Variants in SNRPA observed in about 807,000 individuals in gnomAD.
SNRPA encodes small nuclear ribonucleoprotein polypeptide A.
In SNRPA, 10 loss-of-function variants were observed where a neutral mutation model predicts 24.5. The observed-to-expected ratio is 0.41, with a 90% CI of 0.25 to 0.69. SNRPA has a LOEUF of 0.69. Among genes scored for constraint, SNRPA ranks in the 30% least tolerant of loss-of-function variants. The probability of loss-of-function intolerance (pLI) is 0.33; values close to 1 mark genes in which losing one functional copy is unlikely to be tolerated. For missense variants in SNRPA, 283 were observed against 394.7 expected (o/e 0.72, Z 2.40); for synonymous variants, 165 against 148.4 (o/e 1.11, Z -0.81).
chr19:40,761,626 C>T (rs1002404623), intron 3 of SNRPA, among the ~76,000 whole-genome samples: 3 of 151,562 alleles, frequency 2.0e-5, no homozygotes, highest in Admixed American at 6.6e-5. Context: ...GCCACCACAC[C>T]CAGCTAATTT....
Position 40,759,892 on chromosome 19 carries a change from G to A in SNRPA, c.426+282G>A, listed in dbSNP as rs184478607. 9.9e-5 allele frequency among the ~76,000 whole-genome samples: 15 copies of A among 152,194 alleles called. No individual in the cohort carries two copies. In the East Asian group the frequency reaches 2.7e-3, roughly 27 times the overall value. Reference sequence around the variant, plus strand: ...CTCTCTCCGTGGCCTTGATTTTGTCGCCTGTGTCTTGTAACTCATTGTGCA... The same window carrying A: ...CTCTCTCCGTGGCCTTGATTTTGTCACCTGTGTCTTGTAACTCATTGTGCA... On this transcript the variant is annotated intron_variant, in intron 3 of 5. Coordinates refer to ENST00000243563, the MANE Select transcript of SNRPA (RefSeq NM_004596.5).
At chr19:40,757,079 C>A in intron 1 of SNRPA, 2 of 473,796 alleles carry the variant, frequency 4.2e-6, no homozygotes, top group African/African-American at 4.0e-5. Context: ...GTGCCGGATG[C>A]TGTCCTGAGC....
chr19:40,751,385 A>AAG lies in SNRPA; in HGVS notation c.-24_-23insAG. ...CTAAAGTCACGTTTTTCCTCCTTTA[A>AAG]GACTTACCTCAACACTTCACTCCAT... On this transcript the variant is annotated 5_prime_UTR_variant, in exon 1 of 6. Coordinates refer to ENST00000243563, the MANE Select transcript of SNRPA (RefSeq NM_004596.5). 1 of 1,590,900 alleles carries AAG rather than the reference A, an allele frequency of 6.3e-7. No homozygotes were observed. The highest frequency in any genetic ancestry group is 8.6e-7 in the Non-Finnish European group (1 of 1,158,902).
intron 3 of SNRPA, among the ~76,000 whole-genome samples, chr19:40,761,890 G>T (rs2082934592): frequency 6.6e-6 from 1 of 152,138 alleles, no homozygotes; most frequent in Non-Finnish European, 1.5e-5. Flanking sequence ...CAAAAGAAAA[G>T]ATGGATGAAC....
chr19:40,763,309 C>A lies in SNRPA; in HGVS notation c.600+235C>A, dbSNP rs551849655. On this transcript the variant is annotated intron_variant, in intron 4 of 5. Transcript: ENST00000243563. ...AGTGGTGCCAGCACCTAGATTGATTCCATGAGCTATTGAGCGCCTCCTTAC... is the reference window on the plus strand; with the variant it reads ...AGTGGTGCCAGCACCTAGATTGATTACATGAGCTATTGAGCGCCTCCTTAC... The A allele has an allele frequency of 5.1e-6, 3 of 593,988 alleles. No individual in the cohort carries two copies. In the South Asian group the frequency reaches 6.2e-5, roughly 12 times the overall value. The allele number at this position is 593,988 out of a possible 1,614,324, so 36.8% of individuals were successfully genotyped here.
Position 40,764,998 on chromosome 19 carries a change from TC to T in SNRPA, c.690-9del, listed in dbSNP as rs570256656. Reference sequence around the variant, plus strand: ...ATGCTGAGTCCCTGAGGTCTGTCGTTCTCTTTCAGGTTCCCTGGCTTCAAGG... The same window carrying T: ...ATGCTGAGTCCCTGAGGTCTGTCGTTTCTTTCAGGTTCCCTGGCTTCAAGG... On this transcript the variant is annotated splice_polypyrimidine_tract_variant and intron_variant, in intron 5 of 5. Transcript: ENST00000243563. 95 of 1,551,230 alleles carry T rather than the reference TC, an allele frequency of 6.1e-5. No homozygotes were observed. In the African/African-American group the frequency reaches 1.2e-3, roughly 20 times the overall value.
chr19:40,757,990 A>G (rs2082915604), intron 2 of SNRPA, among the ~76,000 whole-genome samples: 1 of 151,646 alleles, frequency 6.6e-6, no homozygotes, highest in Non-Finnish European at 1.5e-5. Context: ...ATTTTGAGAC[A>G]GAATCTTCCT....
chr19:40,764,761 G>A lies in SNRPA; in HGVS notation c.690-247G>A, dbSNP rs138843403. Among the ~76,000 whole-genome samples, 686 of 152,320 alleles carry A rather than the reference G, an allele frequency of 4.5e-3. 2 individuals carry two copies. Among genetic ancestry groups the A allele is most frequent in the African/African-American group, 0.014 (602 of 41,576 alleles). On this transcript the variant is annotated intron_variant, in intron 5 of 5. Coordinates refer to ENST00000243563, the MANE Select transcript of SNRPA (RefSeq NM_004596.5). ...TTTAGGAAGGGCCCAGGAGACTGCG[G>A]TGTACTGTTTCTTGATTTAGGTTGC...
chr19:40,753,384 G>GTTTTTTTTTTTTTTTT lies in SNRPA; in HGVS notation c.73+1918_73+1933dup, dbSNP rs746525368. ...AATCAGGAGTGTAAATTTTGCATAT[G>GTTTTTTTTTTTTTTTT]TTTTTTTTTTTTTTTTTTTTTTTTT... On this transcript the variant is annotated intron_variant, in intron 1 of 5. Coordinates refer to ENST00000243563, the MANE Select transcript of SNRPA (RefSeq NM_004596.5). 3.6e-4 allele frequency among the ~76,000 whole-genome samples: 14 copies of GTTTTTTTTTTTTTTTT among 38,382 alleles called. 2 individuals carry two copies. Among genetic ancestry groups the GTTTTTTTTTTTTTTTT allele is most frequent in the Non-Finnish European group, 5.2e-4 (12 of 23,274 alleles). 25.2% of individuals were successfully genotyped at this position (38,382 alleles called of 152,430 possible). A position where few individuals can be genotyped will look rare whatever the true frequency, so the allele number is the denominator to read the frequency against.
intron 1 of SNRPA, 81 bp downstream of exon 1, chr19:40,751,562 T>C: frequency 9.5e-7 from 1 of 1,048,068 alleles, no homozygotes; most frequent in South Asian, 1.3e-5. Flanking sequence ...CGCCTCTCTT[T>C]CTAAGTGTTT....
Position 40,754,100 on chromosome 19 carries a change from G to GT in SNRPA, c.73+2635dup, listed in dbSNP as rs57361537. Among the ~76,000 whole-genome samples, 329 of 117,976 alleles carry GT rather than the reference G, an allele frequency of 2.8e-3. 20 individuals are homozygous for GT. The highest frequency in any genetic ancestry group is 5.1e-3 in the East Asian group (19 of 3,758). The allele number at this position is 117,976 out of a possible 152,430, so 77.4% of individuals were successfully genotyped here. A position where few individuals can be genotyped will look rare whatever the true frequency, so the allele number is the denominator to read the frequency against. On this transcript the variant is annotated intron_variant, in intron 1 of 5. Coordinates refer to ENST00000243563, the MANE Select transcript of SNRPA (RefSeq NM_004596.5). ...ACAGGCGTCAGCCCCAGCGCCCGGC[G>GT]TTTTTTTTTTTTTTTTGAGATGAGA... is the stretch of plus-strand genomic sequence containing the variant.
At chr19:40,756,521 G>A (rs1487879995) in intron 1 of SNRPA, among the ~76,000 whole-genome samples, 2 of 151,576 alleles carry the variant, frequency 1.3e-5, no homozygotes, top group African/African-American at 2.4e-5. Context: ...GCTTGAGTCC[G>A]GGAGGTTGAG....
chr19:40,761,931 G>A lies in SNRPA; in HGVS notation c.427-970G>A, dbSNP rs551499049. On this transcript the variant is annotated intron_variant, in intron 3 of 5. Transcript: ENST00000243563. ...CCACTCCTTAGGTCTCTGAGCCTCC[G>A]TGTCTCTCTGGCTTTCATGAGTCTC... 4.1e-4 allele frequency among the ~76,000 whole-genome samples: 63 copies of A among 152,198 alleles called. No individual in the cohort carries two copies. In the South Asian group the frequency reaches 0.012, roughly 28 times the overall value.
rs1489105744 is a variant in SNRPA at position 40,751,252 on chromosome 19, G to C, written c.-157G>C. ...CGGGTCCTACGCACGCTTTGTTGTC[G>C]CGCTTTGCCTCCGTCCTTGCCCCTA... On this transcript the variant is annotated 5_prime_UTR_variant, in exon 1 of 6. Coordinates refer to ENST00000243563, the MANE Select transcript of SNRPA (RefSeq NM_004596.5). The C allele has an allele frequency of 3.0e-6, 2 of 672,134 alleles. No homozygotes were observed. Among genetic ancestry groups the C allele is most frequent in the Non-Finnish European group, 2.7e-6 (1 of 365,552 alleles). The allele number at this position is 672,134 out of a possible 1,614,324, so 41.6% of individuals were successfully genotyped here. A position where few individuals can be genotyped will look rare whatever the true frequency, so the allele number is the denominator to read the frequency against.
chr19:40,756,710 G>A (rs1428939282), intron 1 of SNRPA, among the ~76,000 whole-genome samples: 1 of 152,128 alleles, frequency 6.6e-6, no homozygotes, highest in African/African-American at 2.4e-5. Context: ...AACGTACCAT[G>A]ACAGGAGGTG....
intron 2 of SNRPA, among the ~76,000 whole-genome samples, chr19:40,758,245 G>A (rs1362109595): frequency 1.3e-5 from 2 of 152,096 alleles, no homozygotes; most frequent in Non-Finnish European, 2.9e-5. Flanking sequence ...AGGATTACAG[G>A]CGTGAGCTAC....
intron 1 of SNRPA, among the ~76,000 whole-genome samples, chr19:40,754,726 C>G (rs545487321): frequency 3.9e-5 from 6 of 152,234 alleles, no homozygotes; most frequent in Middle Eastern, 3.4e-3. Context: ...ACTGGTGGCT[C>G]ATGGCTGTGA....
intron 5 of SNRPA, among the ~76,000 whole-genome samples, chr19:40,764,341 T>G (rs956133155): frequency 6.6e-6 from 1 of 152,062 alleles, no homozygotes; most frequent in Non-Finnish European, 1.5e-5. Flanking sequence ...TTTATAATAG[T>G]GCCGAGAGAA....
rs1442467153 is a variant in SNRPA, at chr19:40,763,663, T to C, written c.677T>C (p.Met226Thr). 6.2e-7 allele frequency: 1 copy of C among 1,613,894 alleles called. No homozygotes were observed. The highest frequency in any genetic ancestry group is 8.5e-7 in the Non-Finnish European group (1 of 1,179,822). ...PEETNELMLS[M>T]LFNQFPGFKE... ...GAGACCAACGAGCTCATGCTGTCCA[T>C]GCTTTTCAATCAGTAAGTGGGGCCT... Residue 226 changes from methionine (M) to threonine (T), a missense_variant, in exon 5 of 6, where the codon ATG becomes ACG. Met to Thr is a moderately conservative substitution (Grantham distance 81). This residue lies in a region of SNRPA where 51 missense variants were observed against 110.3 expected (regional missense o/e 0.46). Coordinates refer to ENST00000243563, the MANE Select transcript of SNRPA (RefSeq NM_004596.5).
Sources: allele counts gnomAD v4.1 joint callset (sites outside exome capture counted in the v4.1 genomes callset), GRCh38; gene constraint gnomAD v4.1.1; regional missense constraint gnomAD v4.1.1; transcripts MANE v1.5; gene names NCBI Gene and HGNC (gene_info 2026-07-23, HGNC 2026-07-21).